The following MDGA2 variants were observed in gnomAD, a reference collection of about 807,000 sequenced individuals.
The protein encoded by MDGA2 is MAM domain containing glycosylphosphatidylinositol anchor 2.
Under a neutral mutation model 117.8 loss-of-function variants are expected in MDGA2, and 40 were observed. The observed-to-expected ratio is 0.34, with a 90% CI of 0.26 to 0.44. The LOEUF is 0.44. MDGA2 is among the 20% of genes least tolerant of loss of function. The probability of loss-of-function intolerance (pLI) is 1.00; values close to 1 mark genes in which losing one functional copy is unlikely to be tolerated. For missense variants in MDGA2, 1,123 were observed against 1,250.6 expected (o/e 0.90, Z 1.54); for synonymous variants, 452 against 439.0 (o/e 1.03, Z -0.37).
At chr14:47,151,773 T>A (rs1211926658) in intron 3 of MDGA2, among the ~76,000 whole-genome samples, 2 of 151,808 alleles carry the variant, frequency 1.3e-5, no homozygotes, top group African/African-American at 4.8e-5. Flanking sequence ...TATGTATTTA[T>A]TTTAAATATA....
intron 1 of MDGA2, among the ~76,000 whole-genome samples, chr14:47,465,754 T>C (rs1421463003): frequency 2.6e-5 from 4 of 152,090 alleles, no homozygotes; most frequent in Non-Finnish European, 4.4e-5. Context: ...GTTCAACCAT[T>C]GTGTAAAGCA....
chr14:46,932,660 T>G (rs938010562), intron 9 of MDGA2, among the ~76,000 whole-genome samples: 1 of 152,142 alleles, frequency 6.6e-6, no homozygotes, highest in Admixed American at 6.6e-5. Context: ...AGAAAAATGA[T>G]GATCAGATCC....
At chr14:47,520,010 A>G (rs1455507018) in intron 1 of MDGA2, among the ~76,000 whole-genome samples, 1 of 152,212 alleles carries the variant, frequency 6.6e-6, no homozygotes, top group African/African-American at 2.4e-5. Context: ...CTATTTTGGA[A>G]CAACCTCATA....
At chr14:47,022,636 T>C (rs2138590695) in intron 8 of MDGA2, among the ~76,000 whole-genome samples, 1 of 152,144 alleles carries the variant, frequency 6.6e-6, no homozygotes, top group South Asian at 2.1e-4. Context: ...TTTTAAAAAA[T>C]TACACATGGC....
chr14:46,904,362 A>G (rs889806774), intron 10 of MDGA2, among the ~76,000 whole-genome samples: 2 of 151,728 alleles, frequency 1.3e-5, no homozygotes, highest in Non-Finnish European at 2.9e-5. Context: ...TGTCTCAAAA[A>G]AAAAAAAAAA....
intron 3 of MDGA2, among the ~76,000 whole-genome samples, chr14:47,211,958 C>G (rs776036964): frequency 3.0e-4 from 45 of 151,932 alleles, no homozygotes; most frequent in Non-Finnish European, 5.9e-4. Context: ...TAGTTTAAAC[C>G]CATTGAAGGT....
At chr14:47,561,662 T>C (rs888111432) in intron 1 of MDGA2, among the ~76,000 whole-genome samples, 2 of 152,174 alleles carry the variant, frequency 1.3e-5, no homozygotes, top group East Asian at 1.9e-4. Flanking sequence ...TTGAATCATA[T>C]AGTCTGCAAA....
intron 5 of MDGA2, among the ~76,000 whole-genome samples, chr14:47,120,226 C>A (rs1004574506): frequency 1.3e-5 from 2 of 152,186 alleles, no homozygotes; most frequent in South Asian, 4.2e-4. Context: ...GCCCAAAATC[C>A]AATACCTTGT....
intron 1 of MDGA2, among the ~76,000 whole-genome samples, chr14:47,467,210 G>A (rs1048293271): frequency 6.6e-6 from 1 of 152,116 alleles, no homozygotes; most frequent in Non-Finnish European, 1.5e-5. Flanking sequence ...AGGAAAAATA[G>A]AGCCTCTTAG....
chr14:47,264,820 C>T lies in MDGA2; in HGVS notation c.420+36591G>A, dbSNP rs748290154. Among the ~76,000 whole-genome samples, 32 of 152,110 alleles carry T rather than the reference C, an allele frequency of 2.1e-4. No homozygotes were observed. The Middle Eastern group carries it at 0.01, about 49-fold the overall frequency. On this transcript the variant is annotated intron_variant, in intron 2 of 16. Transcript: ENST00000399232. ...AAATGACCCATCAACTCGTCATTTA[C>T]ATTAGGTATTTCTCCTAATGCTATT...
chr14:47,584,787 A>G (rs1196542949), intron 1 of MDGA2, among the ~76,000 whole-genome samples: 1 of 151,820 alleles, frequency 6.6e-6, no homozygotes, highest in African/African-American at 2.4e-5. Flanking sequence ...TGAATTAATC[A>G]TTGCCTACAT....
chr14:46,995,938 A>AT, intron 8 of MDGA2, among the ~76,000 whole-genome samples: 1 of 152,202 alleles, frequency 6.6e-6, no homozygotes, highest in South Asian at 2.1e-4. Flanking sequence ...TTGGTTGAAA[A>AT]AAATGAAGAC....
At chr14:47,289,304 T>TACAC (rs3039467) in intron 2 of MDGA2, among the ~76,000 whole-genome samples, 22,551 of 140,450 alleles carry the variant, frequency 0.16, 2,132 homozygotes, top group East Asian at 0.37. Context: ...TTTCTGGACT[T>TACAC]ACACACACAC....
chr14:47,371,200 T>G (rs1891351166), intron 1 of MDGA2, among the ~76,000 whole-genome samples: 1 of 151,836 alleles, frequency 6.6e-6, no homozygotes, highest in African/African-American at 2.4e-5. Context: ...GAAGTTTTGT[T>G]GAAGACAGTT....
At chr14:46,907,115 T>TA (rs1883528985) in intron 10 of MDGA2, among the ~76,000 whole-genome samples, 1 of 151,932 alleles carries the variant, frequency 6.6e-6, no homozygotes, top group Non-Finnish European at 1.5e-5. Context: ...TAGCTGGGAT[T>TA]ACAGGCTCAT....
At chr14:47,447,302 C>T (rs1156378788) in intron 1 of MDGA2, among the ~76,000 whole-genome samples, 8 of 152,164 alleles carry the variant, frequency 5.3e-5, no homozygotes, top group Non-Finnish European at 1.2e-4. Flanking sequence ...TATCTCACGC[C>T]TATCCCAATG....
chr14:47,164,508 T>G (rs1376583354), intron 3 of MDGA2, among the ~76,000 whole-genome samples: 1 of 152,108 alleles, frequency 6.6e-6, no homozygotes, highest in Non-Finnish European at 1.5e-5. Context: ...AAAATGCTCA[T>G]CATCACTGGC....
intron 1 of MDGA2, among the ~76,000 whole-genome samples, chr14:47,583,264 T>G (rs1896262396): frequency 6.6e-6 from 1 of 151,928 alleles, no homozygotes; most frequent in African/African-American, 2.4e-5. Flanking sequence ...TTAGACTGTA[T>G]GGTCAGGAAG....
At chr14:47,508,911 C>T (rs1302502062) in intron 1 of MDGA2, among the ~76,000 whole-genome samples, 2 of 152,208 alleles carry the variant, frequency 1.3e-5, no homozygotes, top group Admixed American at 6.5e-5. Flanking sequence ...AGGATGGTCT[C>T]GATCTCCTGA....
Sources: gnomAD v4.1 joint callset for allele counts (sites outside exome capture counted in the v4.1 genomes callset) on GRCh38, gnomAD v4.1.1 for gene constraint, MANE v1.5 for transcripts, NCBI Gene and HGNC (gene_info 2026-07-23, HGNC 2026-07-21) for gene names.